Variants in FBXL7 observed in about 807,000 individuals in gnomAD.
FBXL7 encodes F-box/LRR-repeat protein 7.
A neutral mutation model predicts 38.3 loss-of-function variants in FBXL7; 12 were observed. The observed-to-expected ratio is 0.31, with a 90% CI of 0.20 to 0.51. The LOEUF (loss-of-function observed/expected upper bound fraction) is 0.51. Ranked by LOEUF, FBXL7 falls within the 20% of genes least tolerant of loss-of-function variation. The probability of loss-of-function intolerance (pLI) is 0.98; values close to 1 mark genes in which losing one functional copy is unlikely to be tolerated. For synonymous variants in FBXL7, 297 were observed against 300.9 expected (o/e 0.99, Z 0.13); for missense variants, 567 against 676.4 (o/e 0.84, Z 1.79).
In FBXL7 at chr5:15,621,911, T is replaced by C. The variant is rs190156051; in HGVS notation, c.127+5839T>C. The stretch of plus-strand genomic sequence containing the variant: ...TTTGGATCCAATACACTCATTTTTT[T>C]TTACATTAATTAATGAAATCACCAT... On this transcript the variant is annotated intron_variant, in intron 2 of 3. Transcript: ENST00000504595. Among the ~76,000 whole-genome samples the C allele has an allele frequency of 7.2e-5, 11 of 152,328 alleles. No individual in the cohort carries two copies. In the East Asian group the frequency reaches 2.1e-3, roughly 29 times the overall value.
At chr5:15,612,673 A>G (rs1561051561) in intron 1 of FBXL7, among the ~76,000 whole-genome samples, 1 of 152,140 alleles carries the variant, frequency 6.6e-6, no homozygotes, top group Non-Finnish European at 1.5e-5. Context: ...GTGTTTGTAG[A>G]TGGATAAGCA....
intron 1 of FBXL7, among the ~76,000 whole-genome samples, chr5:15,610,126 A>G (rs1292020135): frequency 6.6e-6 from 1 of 152,202 alleles, no homozygotes; most frequent in Non-Finnish European, 1.5e-5. Context: ...AACCACCCCC[A>G]TGATTCGGTT....
intron 1 of FBXL7, among the ~76,000 whole-genome samples, chr5:15,531,094 A>G (rs1185177628): frequency 6.6e-6 from 1 of 152,230 alleles, no homozygotes; most frequent in Non-Finnish European, 1.5e-5. Context: ...ATCAAGAGCT[A>G]TCCCTGATCC....
intron 2 of FBXL7, among the ~76,000 whole-genome samples, chr5:15,800,414 G>C (rs73054414): frequency 0.038 from 5,836 of 152,256 alleles, 390 homozygotes; most frequent in African/African-American, 0.13. Context: ...AACAGAAGAA[G>C]AGAAAATAAT....
At chr5:15,694,887 C>T (rs1322438252) in intron 2 of FBXL7, among the ~76,000 whole-genome samples, 1 of 152,174 alleles carries the variant, frequency 6.6e-6, no homozygotes, top group Non-Finnish European at 1.5e-5. Context: ...GCTAGAAGAA[C>T]AGCCGAGTAA....
At chr5:15,697,411 A>C (rs1343533594) in intron 2 of FBXL7, among the ~76,000 whole-genome samples, 1 of 152,160 alleles carries the variant, frequency 6.6e-6, no homozygotes, top group Non-Finnish European at 1.5e-5. Flanking sequence ...GAAGGATCTA[A>C]ATGTCTGATC....
At chr5:15,659,141 T>C (rs1292105220) in intron 2 of FBXL7, among the ~76,000 whole-genome samples, 1 of 152,182 alleles carries the variant, frequency 6.6e-6, no homozygotes, top group Non-Finnish European at 1.5e-5. Context: ...GAGAACGGAC[T>C]GATACACTGA....
rs117118185 is a variant in FBXL7 at position 15,737,471 on chromosome 5, C to T, written c.127+121399C>T. ...TATTTGAAATTAAAAAGAAGTAAACCGGTAGAATAGTGACTATTTTACTCC... is the reference window on the plus strand; with the variant it reads ...TATTTGAAATTAAAAAGAAGTAAACTGGTAGAATAGTGACTATTTTACTCC... On this transcript the variant is annotated intron_variant, in intron 2 of 3. Coordinates refer to ENST00000504595, the MANE Select transcript of FBXL7 (RefSeq NM_012304.5). Among the ~76,000 whole-genome samples the T allele has an allele frequency of 2.4e-4, 36 of 152,230 alleles. No homozygotes were observed. In the East Asian group the frequency reaches 3.7e-3, roughly 16 times the overall value.
chr5:15,721,682 A>G (rs550114939), intron 2 of FBXL7, among the ~76,000 whole-genome samples: 2 of 151,986 alleles, frequency 1.3e-5, no homozygotes, highest in East Asian at 3.9e-4. Flanking sequence ...GCCATTTCTG[A>G]GCTCTCCTTT....
chr5:15,597,735 C>G lies in FBXL7; in HGVS notation c.38-18248C>G, dbSNP rs146329189. Among the ~76,000 whole-genome samples, 728 of 152,212 alleles carry G rather than the reference C, an allele frequency of 4.8e-3. 5 individuals are homozygous for G. The highest frequency in any genetic ancestry group is 0.017 in the African/African-American group (708 of 41,530). ...TTCACCTTTATGGATGAAGTGATGC[C>G]TTCATGCTAGAAGAGTTTGGGAAAA... On this transcript the variant is annotated intron_variant, in intron 1 of 3. Transcript: ENST00000504595.
At chr5:15,602,688 AC>A (rs998499941) in intron 1 of FBXL7, among the ~76,000 whole-genome samples, 2 of 152,238 alleles carry the variant, frequency 1.3e-5, no homozygotes, top group Admixed American at 6.5e-5. Context: ...CAACCCTTTG[AC>A]CTTGGACAAG....
intron 2 of FBXL7, among the ~76,000 whole-genome samples, chr5:15,899,493 C>T (rs1017509700): frequency 6.6e-6 from 1 of 152,094 alleles, no homozygotes; most frequent in Non-Finnish European, 1.5e-5. Flanking sequence ...TTGAGATAAG[C>T]GGATTTGAAA....
At chr5:15,575,929 C>T (rs886953938) in intron 1 of FBXL7, among the ~76,000 whole-genome samples, 4 of 152,146 alleles carry the variant, frequency 2.6e-5, no homozygotes, top group African/African-American at 9.7e-5. Context: ...AATTGACATT[C>T]CTGGCCTTCA....
At chr5:15,622,905 A>G (rs112780110) in intron 2 of FBXL7, among the ~76,000 whole-genome samples, 6,618 of 151,792 alleles carry the variant, frequency 0.044, 220 homozygotes, top group African/African-American at 0.075. Flanking sequence ...GGGTTTGGCC[A>G]TGTTGGCCAG....
At chr5:15,618,068 T>C (rs1337393439) in intron 2 of FBXL7, among the ~76,000 whole-genome samples, 1 of 152,204 alleles carries the variant, frequency 6.6e-6, no homozygotes, top group Non-Finnish European at 1.5e-5. Context: ...TGTCTGCTTT[T>C]TATGCTTCCA....
chr5:15,682,136 G>A (rs1742862295), intron 2 of FBXL7, among the ~76,000 whole-genome samples: 1 of 152,206 alleles, frequency 6.6e-6, no homozygotes, highest in South Asian at 2.1e-4. Context: ...GAGGAGGGGA[G>A]CTCTGCTCCA....
At chr5:15,811,307 T>C (rs146179484) in intron 2 of FBXL7, among the ~76,000 whole-genome samples, 31 of 152,318 alleles carry the variant, frequency 2.0e-4, no homozygotes, top group African/African-American at 7.0e-4. Context: ...CTCACAGCTC[T>C]GGAGTCGAAA....
chr5:15,847,923 A>T (rs1008184432), intron 2 of FBXL7, among the ~76,000 whole-genome samples: 8 of 152,200 alleles, frequency 5.3e-5, no homozygotes, highest in Admixed American at 3.9e-4. Context: ...GAATTCTTCT[A>T]ACAACACCTA....
intron 2 of FBXL7, among the ~76,000 whole-genome samples, chr5:15,768,611 C>T (rs1170778740): frequency 1.3e-5 from 2 of 152,066 alleles, no homozygotes; most frequent in Non-Finnish European, 2.9e-5. Context: ...ACAGAACCAC[C>T]AGTGGAAAGA....
Sources: gnomAD v4.1 joint callset for allele counts (sites outside exome capture counted in the v4.1 genomes callset) on GRCh38, gnomAD v4.1.1 for gene constraint, MANE v1.5 for transcripts, NCBI Gene and HGNC (gene_info 2026-07-23, HGNC 2026-07-21) for gene names.